DCDC2: variants seen among roughly 807,000 people sequenced by gnomAD.
DCDC2 encodes the protein doublecortin domain-containing protein 2.
DCDC2 carries 40 observed loss-of-function variants against 50.2 expected under a neutral mutation model. The ratio of observed to expected loss-of-function variants is 0.80; its 90% confidence interval spans 0.62 to 1.04. The LOEUF is 1.04. Ranked by LOEUF, DCDC2 falls within the 50% of genes least tolerant of loss-of-function variation. The pLI is 0.00. For synonymous variants in DCDC2, 234 were observed against 210.6 expected (o/e 1.11, Z -0.96); for missense variants, 570 against 581.9 (o/e 0.98, Z 0.21).
intron 8 of DCDC2, among the ~76,000 whole-genome samples, chr6:24,181,520 G>A (rs1485935287): frequency 6.6e-6 from 1 of 152,118 alleles, no homozygotes; most frequent in African/African-American, 2.4e-5. Context: ...ATGAAAATGA[G>A]TTGCATTTCT....
At chr6:24,360,001 G>T (rs1247824193), upstream of DCDC2, among the ~76,000 whole-genome samples, 1 of 152,190 alleles carries the variant, frequency 6.6e-6, no homozygotes. Flanking sequence ...GAGCTCGGGC[G>T]CCGGCCGCGC....
At chr6:24,288,733 G>T (rs1026586214) in intron 6 of DCDC2, 119 bp downstream of exon 6, 28 of 822,722 alleles carry the variant, frequency 3.4e-5, no homozygotes, top group Non-Finnish European at 5.5e-5. Context: ...CACATAATTG[G>T]TTATACACCA....
At chr6:24,256,566 G>C (rs1363695387) in intron 7 of DCDC2, among the ~76,000 whole-genome samples, 2 of 152,042 alleles carry the variant, frequency 1.3e-5, no homozygotes, top group Admixed American at 1.3e-4. Context: ...GGGTATTTCT[G>C]CTAGTTGGAG....
intron 7 of DCDC2, among the ~76,000 whole-genome samples, chr6:24,223,291 G>A (rs1762156541): frequency 6.6e-6 from 1 of 152,206 alleles, no homozygotes; most frequent in Admixed American, 6.5e-5. Flanking sequence ...ACTAGATGAT[G>A]AAACCACGTG....
At chr6:24,316,652 T>C (rs957874064) in intron 2 of DCDC2, among the ~76,000 whole-genome samples, 1 of 152,168 alleles carries the variant, frequency 6.6e-6, no homozygotes, top group Non-Finnish European at 1.5e-5. Flanking sequence ...TTCAAAACTC[T>C]GTAGAATTAG....
At chr6:24,187,625 G>A (rs556703002) in intron 8 of DCDC2, among the ~76,000 whole-genome samples, 23 of 152,330 alleles carry the variant, frequency 1.5e-4, no homozygotes, top group Middle Eastern at 3.4e-3. Flanking sequence ...CACTATGGAG[G>A]TCTTCTGGAA....
chr6:24,368,963 G>A, the DCDC2 span, among the ~76,000 whole-genome samples: 2 of 151,958 alleles, frequency 1.3e-5, no homozygotes, highest in Non-Finnish European at 2.9e-5. Context: ...GCGAAACCCC[G>A]TCTCTACTAA....
chr6:24,288,810 T>TA (rs1561759876), intron 6 of DCDC2, 42 bp downstream of exon 6: 1 of 1,565,584 alleles, frequency 6.4e-7, no homozygotes, highest in Admixed American at 1.7e-5. Flanking sequence ...TTGTATCATA[T>TA]AAAAATATAG....
intron 5 of DCDC2, among the ~76,000 whole-genome samples, chr6:24,289,876 A>G (rs1763701096): frequency 6.6e-6 from 1 of 150,652 alleles, no homozygotes; most frequent in Non-Finnish European, 1.5e-5. Context: ...TTGCAATGGC[A>G]AGGTGGCCAC....
chr6:24,293,489 A>T (rs552628714), intron 4 of DCDC2, among the ~76,000 whole-genome samples: 1 of 152,292 alleles, frequency 6.6e-6, no homozygotes, highest in South Asian at 2.1e-4. Context: ...AATTTCACCT[A>T]TCCTAAATAT....
chr6:24,263,617 C>G (rs1322510216), intron 7 of DCDC2, among the ~76,000 whole-genome samples: 1 of 151,782 alleles, frequency 6.6e-6, no homozygotes, highest in South Asian at 2.1e-4. Context: ...CGCTCAATAG[C>G]AGAAATGATC....
At chr6:24,216,529 G>A (rs1480852634) in intron 7 of DCDC2, among the ~76,000 whole-genome samples, 1 of 152,196 alleles carries the variant, frequency 6.6e-6, no homozygotes, top group African/African-American at 2.4e-5. Flanking sequence ...AAGACAAGCA[G>A]TACAGACGAC....
chr6:24,382,932 G>C, the DCDC2 span, among the ~76,000 whole-genome samples: 2 of 151,964 alleles, frequency 1.3e-5, no homozygotes, highest in African/African-American at 4.8e-5. Context: ...CAGTTACTGA[G>C]GTCAAACAGT....
chr6:24,360,989 G>T (rs1760656683), upstream of DCDC2, among the ~76,000 whole-genome samples: 1 of 152,118 alleles, frequency 6.6e-6, no homozygotes, highest in Non-Finnish European at 1.5e-5. Context: ...TTCAAACCCA[G>T]TTCTGTCTTA....
chr6:24,178,750 T>C lies in DCDC2; in HGVS notation c.1024-118A>G, dbSNP rs1290518016. 3.2e-5 allele frequency: 34 copies of C among 1,063,224 alleles called. 1 individual carries two copies. The East Asian group carries it at 7.8e-4, about 24-fold the overall frequency. The allele number at this position is 1,063,224 out of a possible 1,614,324, so 65.9% of individuals were successfully genotyped here. ...CAAGTAAAACATTCTTACATTTGCA[T>C]AGTACTTTACAGTATAGAACGCACT... On this transcript the variant is annotated intron_variant, in intron 8 of 9. Coordinates refer to ENST00000378454, the MANE Select transcript of DCDC2 (RefSeq NM_016356.5).
At chr6:24,223,078 G>A (rs998588553) in intron 7 of DCDC2, among the ~76,000 whole-genome samples, 3 of 152,138 alleles carry the variant, frequency 2.0e-5, no homozygotes, top group African/African-American at 7.2e-5. Context: ...TTCCACAGCT[G>A]GGTTTAAATG....
At chr6:24,351,664 A>C (rs1467400445) in intron 2 of DCDC2, among the ~76,000 whole-genome samples, 1 of 152,188 alleles carries the variant, frequency 6.6e-6, no homozygotes, top group Non-Finnish European at 1.5e-5. Context: ...TTTCACACGT[A>C]AGGTGTGCAT....
chr6:24,275,866 A>ATTTGT (rs528147769), intron 7 of DCDC2, among the ~76,000 whole-genome samples: 2 of 108,114 alleles, frequency 1.8e-5, no homozygotes, highest in Middle Eastern at 6.1e-3. Context: ...CAATAATTCA[A>ATTTGT]TTTTTTTTTT....
At chr6:24,248,346 T>TAC (rs1038074982) in intron 7 of DCDC2, among the ~76,000 whole-genome samples, 3 of 152,168 alleles carry the variant, frequency 2.0e-5, no homozygotes, top group African/African-American at 7.2e-5. Context: ...ACATACAAGT[T>TAC]ACATGGTCTG....
Sources: allele counts gnomAD v4.1 joint callset (sites outside exome capture counted in the v4.1 genomes callset), GRCh38; gene constraint gnomAD v4.1.1; transcripts MANE v1.5; gene names NCBI Gene and HGNC (gene_info 2026-07-23, HGNC 2026-07-21).